Variants in LGR5 observed in about 807,000 individuals in gnomAD.
LGR5 encodes leucine rich repeat containing G protein-coupled receptor 5, also known as leucine-rich repeat-containing G protein-coupled receptor 5.
Under a neutral mutation model 76.7 loss-of-function variants are expected in LGR5, and 54 were observed. That is an observed-to-expected ratio of 0.70 (90% CI 0.57 to 0.88). The LOEUF is 0.88. Ranked by LOEUF, LGR5 falls within the 40% of genes least tolerant of loss-of-function variation. LGR5 has a pLI of 0.00. For synonymous variants in LGR5, 406 were observed against 421.9 expected (o/e 0.96, Z 0.46); for missense variants, 1,078 against 1,073.3 (o/e 1.00, Z -0.06).
Position 71,583,741 on chromosome 12 carries a change from G to A in LGR5, c.1731G>A (p.Leu577=). Residue 577 remains leucine, a synonymous_variant, in exon 18 of 18, where the codon TTG becomes TTA. Transcript: ENST00000266674. ...TTCTGGCACTTACTTGTAATGCTTT[G>A]GTGACTTCAACAGTTTTCAGATCCC... ...IAVLALTCNA[L]VTSTVFRSPL... 2 of 1,614,028 alleles carry A rather than the reference G, an allele frequency of 1.2e-6. No individual in the cohort carries two copies. The highest frequency in any genetic ancestry group is 1.6e-4 in the Middle Eastern group (1 of 6,062).
chr12:71,566,558 C>A (rs1448426521), intron 9 of LGR5, 74 bp from the exon 10 acceptor site: 1 of 1,517,056 alleles, frequency 6.6e-7, no homozygotes. Flanking sequence ...GGTTGAAGTG[C>A]TTTGAAAATG....
intron 1 of LGR5, among the ~76,000 whole-genome samples, chr12:71,443,631 G>A (rs1871860535): frequency 6.6e-6 from 1 of 152,194 alleles, no homozygotes; most frequent in African/African-American, 2.4e-5. Flanking sequence ...GTATAGGTAA[G>A]TTATTTTAAT....
At chr12:71,496,391 A>AG (rs1555169617) in intron 1 of LGR5, among the ~76,000 whole-genome samples, 2,321 of 114,642 alleles carry the variant, frequency 0.02, 15 homozygotes, top group Middle Eastern at 0.04. Flanking sequence ...AAAAAAAAAA[A>AG]AGAGAGAGAG....
intron 8 of LGR5, among the ~76,000 whole-genome samples, chr12:71,563,883 G>GTA (rs925733879): frequency 4.0e-5 from 6 of 151,378 alleles, no homozygotes; most frequent in Non-Finnish European, 7.4e-5. Flanking sequence ...TATATAGTGT[G>GTA]TATATATATA....
At chr12:71,447,811 A>G (rs7296197) in intron 1 of LGR5, among the ~76,000 whole-genome samples, 2,537 of 152,270 alleles carry the variant, frequency 0.017, 86 homozygotes, top group African/African-American at 0.058. Flanking sequence ...GCTTGAAGGC[A>G]CCTTCAGTTC....
rs554503157 is a variant in LGR5, at chr12:71,461,999, T to C, written c.212+21707T>C. On this transcript the variant is annotated intron_variant, in intron 1 of 17. Coordinates refer to ENST00000266674, the MANE Select transcript of LGR5 (RefSeq NM_003667.4). ...AAGCTCAGTTTCATTATCTGTAAAATGGGTTAATAGACCCTGTTATCTGTG... is the reference window on the plus strand; with the variant it reads ...AAGCTCAGTTTCATTATCTGTAAAACGGGTTAATAGACCCTGTTATCTGTG... 2.2e-4 allele frequency among the ~76,000 whole-genome samples: 34 copies of C among 152,298 alleles called. No individual in the cohort carries two copies. In the South Asian group the frequency reaches 3.7e-3, roughly 17 times the overall value.
chr12:71,496,245 C>A (rs1874311105), intron 1 of LGR5, among the ~76,000 whole-genome samples: 1 of 151,950 alleles, frequency 6.6e-6, no homozygotes, highest in Admixed American at 6.6e-5. Context: ...GTGGCACATG[C>A]CTGTAGTACC....
At chr12:71,462,458 T>C (rs1157641630) in intron 1 of LGR5, among the ~76,000 whole-genome samples, 2 of 152,166 alleles carry the variant, frequency 1.3e-5, no homozygotes, top group Non-Finnish European at 2.9e-5. Context: ...AACTTTTCTA[T>C]TCAGGAAAAT....
chr12:71,483,807 G>T lies in LGR5; in HGVS notation c.213-20807G>T, dbSNP rs144780049. On this transcript the variant is annotated intron_variant, in intron 1 of 17. Transcript: ENST00000266674. ...TGTGTACGTGTATGTGAAGTGCTTA[G>T]CATAAATAACATCAGTTATGACTAC... Among the ~76,000 whole-genome samples the T allele has an allele frequency of 1.6e-4, 25 of 152,156 alleles. No homozygotes were observed. In the East Asian group the frequency reaches 3.1e-3, roughly 19 times the overall value.
At chr12:71,441,138 C>G (rs1871747782) in intron 1 of LGR5, among the ~76,000 whole-genome samples, 1 of 152,154 alleles carries the variant, frequency 6.6e-6, no homozygotes, top group Non-Finnish European at 1.5e-5. Context: ...CCCACCCCTT[C>G]TCTCCCCACT....
In LGR5 at chr12:71,577,910, CT is replaced by C; in HGVS notation, c.1209-8del. 1.2e-5 allele frequency: 19 copies of C among 1,590,052 alleles called. No homozygotes were observed. The highest frequency in any genetic ancestry group is 2.7e-5 in the African/African-American group (2 of 74,506). On this transcript the variant is annotated splice_polypyrimidine_tract_variant and intron_variant, in intron 13 of 17. Coordinates refer to ENST00000266674, the MANE Select transcript of LGR5 (RefSeq NM_003667.4). ...TATTCTATATAATTCTCTCATTTGCCTTTTTTTACAATAGGAATTTGGCTTG... is the reference window on the plus strand; with the variant it reads ...TATTCTATATAATTCTCTCATTTGCCTTTTTTACAATAGGAATTTGGCTTG...
Position 71,578,901 on chromosome 12 carries a change from A to T in LGR5, c.1378A>T (p.Ile460Leu), listed in dbSNP as rs779309412. ...LTGNHALQSLISSENFPELKV... is the reference protein window; with the variant it reads ...LTGNHALQSLLSSENFPELKV... Reference sequence around the variant, plus strand: ...AGGAAATCATGCCTTACAGAGCTTGATATCATCTGAAAACTTTCCAGAACT... The same window carrying T: ...AGGAAATCATGCCTTACAGAGCTTGTTATCATCTGAAAACTTTCCAGAACT... The change falls in exon 15 of 18, where the codon ATA becomes TTA. Residue 460 changes from isoleucine (I) to leucine (L), a missense_variant. By Grantham distance (5) the Ile-to-Leu change is conservative. Transcript: ENST00000266674. 1.2e-6 allele frequency: 2 copies of T among 1,609,180 alleles called. No homozygotes were observed. Among genetic ancestry groups the T allele is most frequent in the South Asian group, 2.2e-5 (2 of 89,876 alleles).
At chr12:71,445,179 T>C (rs73349181) in intron 1 of LGR5, among the ~76,000 whole-genome samples, 1,814 of 152,306 alleles carry the variant, frequency 0.012, 40 homozygotes, top group African/African-American at 0.042. Context: ...TAGATACTTC[T>C]GGTAAACTGA....
chr12:71,520,505 A>G (rs1191443360), intron 2 of LGR5, among the ~76,000 whole-genome samples: 1 of 152,176 alleles, frequency 6.6e-6, no homozygotes, highest in Non-Finnish European at 1.5e-5. Flanking sequence ...GTGAATACAT[A>G]TAATGCTACT....
At position 71,585,546 on chromosome 12, in the gene LGR5, C is replaced by T. The variant is rs1319083651; in HGVS notation, c.*812C>T. 1 of 152,174 alleles carries T rather than the reference C, an allele frequency of 6.6e-6. No homozygotes were observed. The highest frequency in any genetic ancestry group is 6.5e-5 in the Admixed American group (1 of 15,280). 9.4% of individuals were successfully genotyped at this position (152,174 alleles called of 1,614,324 possible). A position where few individuals can be genotyped will look rare whatever the true frequency, so the allele number is the denominator to read the frequency against. On this transcript the variant is annotated 3_prime_UTR_variant, in exon 18 of 18. Coordinates refer to ENST00000266674, the MANE Select transcript of LGR5 (RefSeq NM_003667.4). ...AATTCCACTGCCAGCAATGAACATA[C>T]CTGGAAAAGAAAGTAAGCAATCTGG...
chr12:71,567,146 T>A, intron 11 of LGR5: 1 of 507,058 alleles, frequency 2.0e-6, no homozygotes, highest in Non-Finnish European at 3.6e-6. Context: ...CACTAGACTT[T>A]CAGTTGGCAC....
chr12:71,572,326 C>A (rs947272294), intron 12 of LGR5, among the ~76,000 whole-genome samples: 1 of 152,198 alleles, frequency 6.6e-6, no homozygotes, highest in Admixed American at 6.5e-5. Flanking sequence ...TCATGACCTG[C>A]CCATCTCAGC....
intron 15 of LGR5, 40 bp from the exon 16 acceptor site, chr12:71,580,238 T>C: frequency 6.4e-7 from 1 of 1,555,518 alleles, no homozygotes; most frequent in Non-Finnish European, 8.7e-7. Context: ...AATTATCCGT[T>C]TCTTTAAGTG....
At chr12:71,563,328 C>T (rs569869995) in intron 8 of LGR5, among the ~76,000 whole-genome samples, 5 of 152,282 alleles carry the variant, frequency 3.3e-5, no homozygotes, top group African/African-American at 1.2e-4. Context: ...ACCTCCTGAC[C>T]TCCACTGCAC....
Sources: allele counts gnomAD v4.1 joint callset (sites outside exome capture counted in the v4.1 genomes callset), GRCh38; gene constraint gnomAD v4.1.1; transcripts MANE v1.5; gene names NCBI Gene and HGNC (gene_info 2026-07-23, HGNC 2026-07-21).